SNX8: variants seen among roughly 807,000 people sequenced by gnomAD.
The protein encoded by SNX8 is sorting nexin-8.
SNX8 carries 25 observed loss-of-function variants against 51.6 expected under a neutral mutation model. That is an observed-to-expected ratio of 0.48 (90% CI 0.35 to 0.68). The LOEUF (loss-of-function observed/expected upper bound fraction) is 0.68, where lower values mean the gene tolerates loss of function less well. SNX8 is among the 30% of genes least tolerant of loss of function. The pLI is 0.00. For synonymous variants in SNX8, 324 were observed against 277.0 expected (o/e 1.17, Z -1.68); for missense variants, 695 against 624.0 (o/e 1.11, Z -1.21).
At chr7:2,255,846 G>A (rs925128193) in intron 10 of SNX8, among the ~76,000 whole-genome samples, 1 of 152,240 alleles carries the variant, frequency 6.6e-6, no homozygotes, top group Non-Finnish European at 1.5e-5. Context: ...TGTGAGGAGG[G>A]GAGCGCGGCA....
chr7:2,294,628 G>A (rs146471177), intron 1 of SNX8, among the ~76,000 whole-genome samples: 7 of 152,314 alleles, frequency 4.6e-5, no homozygotes, highest in Admixed American at 1.3e-4. Context: ...CTCCCTCCCT[G>A]GTGGCCTCAT....
At chr7:2,258,650 G>A (rs958153608) in intron 7 of SNX8, among the ~76,000 whole-genome samples, 2 of 152,174 alleles carry the variant, frequency 1.3e-5, no homozygotes, top group East Asian at 1.9e-4. Flanking sequence ...GGAAGGGGGC[G>A]CAGGGTAGGT....
chr7:2,313,567 AAGAC>A (rs1482503844), intron 1 of SNX8, among the ~76,000 whole-genome samples: 4 of 151,824 alleles, frequency 2.6e-5, no homozygotes, highest in Non-Finnish European at 5.9e-5. Context: ...AAAAAAGAAA[AAGAC>A]AGAAATACAG....
chr7:2,267,657 C>G (rs1021210399), intron 5 of SNX8, among the ~76,000 whole-genome samples: 1 of 149,106 alleles, frequency 6.7e-6, no homozygotes. Flanking sequence ...GATCTCGGCT[C>G]ACTACAACCT....
chr7:2,351,658 C>CA (rs1188507622), intron 1 of SNX8, among the ~76,000 whole-genome samples: 2 of 151,732 alleles, frequency 1.3e-5, no homozygotes, highest in Non-Finnish European at 2.9e-5. Context: ...GGATGAAACC[C>CA]GTCTCTACTA....
Position 2,278,299 on chromosome 7 carries a change from G to C in SNX8, c.101C>G (p.Pro34Arg), listed in dbSNP as rs117886084. The change falls in exon 2 of 11, where the codon CCG becomes CGG. Residue 34 changes from proline to arginine, a missense_variant. By Grantham distance (103) the Pro-to-Arg change is moderately radical. Transcript: ENST00000222990. ...CTGGGGCTCGATGGCCTGGGGTGTC[G>C]GCAGATCTGCAGGGGAGATGGTGAA... ...EEADPPASDL[P>R]TPQAIEPQAI... is the part of the protein sequence containing the mutation. The C allele has an allele frequency of 1.3e-6, 2 of 1,559,020 alleles. No individual in the cohort carries two copies. Among genetic ancestry groups the C allele is most frequent in the South Asian group, 1.2e-5 (1 of 86,484 alleles).
At chr7:2,330,835 A>G (rs1778717417) in intron 1 of SNX8, among the ~76,000 whole-genome samples, 1 of 152,152 alleles carries the variant, frequency 6.6e-6, no homozygotes, top group South Asian at 2.1e-4. Context: ...AGAAAAAGAA[A>G]AGAATGCATA....
intron 1 of SNX8, among the ~76,000 whole-genome samples, chr7:2,311,296 T>A (rs1464963845): frequency 6.6e-6 from 1 of 152,240 alleles, no homozygotes; most frequent in East Asian, 1.9e-4. Context: ...AACCACTCCT[T>A]CAAACCAACC....
intron 7 of SNX8, among the ~76,000 whole-genome samples, chr7:2,258,684 G>T (rs1350286460): frequency 6.6e-6 from 1 of 152,106 alleles, no homozygotes; most frequent in Admixed American, 6.5e-5. Context: ...GCTGCAGGAA[G>T]GACGTGCTGC....
intron 1 of SNX8, chr7:2,310,056 C>G: frequency 5.5e-6 from 2 of 362,468 alleles, no homozygotes; most frequent in South Asian, 4.1e-5. Context: ...GACTCACCCT[C>G]GTTCTAAAGA....
rs1224223326 is a variant in SNX8, at chr7:2,252,308, GA to G, written c.*2747del. On this transcript the variant is annotated 3_prime_UTR_variant, in exon 11 of 11. Coordinates refer to ENST00000222990, the MANE Select transcript of SNX8 (RefSeq NM_013321.4). Reference sequence around the variant, plus strand: ...CAGGAGGGCTGGAGAGGCATGGGGGGAACCCCGCTCTCCCTCCGGCATGGGG... The same window carrying G: ...CAGGAGGGCTGGAGAGGCATGGGGGGACCCCGCTCTCCCTCCGGCATGGGG... The G allele has an allele frequency of 6.6e-6, 1 of 152,274 alleles. No individual in the cohort carries two copies. The highest frequency in any genetic ancestry group is 1.5e-5 in the Non-Finnish European group (1 of 68,116). The allele number at this position is 152,274 out of a possible 1,614,324, so 9.4% of individuals were successfully genotyped here.
At chr7:2,296,419 T>C (rs533751185) in intron 1 of SNX8, among the ~76,000 whole-genome samples, 1 of 151,984 alleles carries the variant, frequency 6.6e-6, no homozygotes, top group African/African-American at 2.4e-5. Context: ...GATTTGTGTA[T>C]ACTGATTTTG....
intron 1 of SNX8, among the ~76,000 whole-genome samples, chr7:2,332,757 AGGAAGGAAGGAAGGAG>A (rs1444238262): frequency 2.5e-4 from 38 of 149,770 alleles, no homozygotes; most frequent in African/African-American, 9.1e-4. Context: ...GAAGGAAGGA[AGGAAGGAAGGAAGGAG>A]GGAAGGAGGG....
upstream of SNX8, among the ~76,000 whole-genome samples, chr7:2,315,594 TTCAC>T (rs145858873): frequency 0.012 from 1,502 of 129,668 alleles, 33 homozygotes; most frequent in African/African-American, 0.04. Flanking sequence ...CATTCATCCA[TTCAC>T]TCACTCACTC....
At chr7:2,319,619 T>C (rs1014132748) in intron 1 of SNX8, among the ~76,000 whole-genome samples, 3 of 151,960 alleles carry the variant, frequency 2.0e-5, no homozygotes, top group Non-Finnish European at 4.4e-5. Context: ...ATCGAGACCA[T>C]CCTGGCTAAC....
chr7:2,274,514 G>T (rs964168967), intron 3 of SNX8, among the ~76,000 whole-genome samples: 3 of 152,230 alleles, frequency 2.0e-5, no homozygotes, highest in Non-Finnish European at 2.9e-5. Flanking sequence ...AGCCCAGGGG[G>T]ACACAGGCCT....
chr7:2,347,909 T>C (rs1355988889), intron 1 of SNX8, among the ~76,000 whole-genome samples: 1 of 150,858 alleles, frequency 6.6e-6, no homozygotes. Context: ...CTCCCAGTGT[T>C]GAGATTACAG....
upstream of SNX8, chr7:2,314,504 C>A (rs913566502): frequency 1.4e-5 from 16 of 1,143,978 alleles, no homozygotes; most frequent in South Asian, 4.3e-5. Flanking sequence ...CCCGCCCACA[C>A]CCCGCCTGGT....
chr7:2,320,433 G>A (rs1219654508), intron 1 of SNX8, among the ~76,000 whole-genome samples: 1 of 152,022 alleles, frequency 6.6e-6, no homozygotes, highest in Non-Finnish European at 1.5e-5. Context: ...AATTTGTATG[G>A]CTAGCAGCTG....
Sources: gnomAD v4.1 joint callset for allele counts (sites outside exome capture counted in the v4.1 genomes callset) on GRCh38, gnomAD v4.1.1 for gene constraint, MANE v1.5 for transcripts, NCBI Gene and HGNC (gene_info 2026-07-23, HGNC 2026-07-21) for gene names.